ARHGEF17: variants seen among roughly 807,000 people sequenced by gnomAD.
ARHGEF17 encodes 164 kDa Rho-specific guanine-nucleotide exchange factor.
ARHGEF17 carries 80 observed loss-of-function variants against 174.0 expected under a neutral mutation model. That is an observed-to-expected ratio of 0.46 (90% CI 0.38 to 0.55). ARHGEF17 has a LOEUF of 0.55. Among genes scored for constraint, ARHGEF17 ranks in the 20% least tolerant of loss-of-function variants. ARHGEF17 has a pLI of 0.00. For missense variants in ARHGEF17, 2,886 were observed against 2,839.7 expected, an observed-to-expected ratio of 1.02 and a Z score of -0.37; for synonymous variants, 1,311 against 1,189.1, an observed-to-expected ratio of 1.10 and a Z score of -2.11.
chr11:73,355,401 T>C (rs767379750), intron 3 of ARHGEF17, 132 bp from the exon 4 acceptor site: 1 of 663,512 alleles, frequency 1.5e-6, no homozygotes, highest in Non-Finnish European at 2.7e-6. Flanking sequence ...GACATGTGCC[T>C]GATCCCTTAG....
At chr11:73,362,297 C>T (rs918421730) in intron 13 of ARHGEF17, 58 bp downstream of exon 13, 2 of 1,459,720 alleles carry the variant, frequency 1.4e-6, no homozygotes, top group African/African-American at 1.4e-5. Context: ...CAACCCCTGT[C>T]CCAGCACACT....
chr11:73,330,054 CAT>C (rs1446732927), intron 1 of ARHGEF17, among the ~76,000 whole-genome samples: 4 of 152,236 alleles, frequency 2.6e-5, no homozygotes, highest in African/African-American at 9.6e-5. Flanking sequence ...CTCCAAGAGA[CAT>C]ATGGATTCCC....
rs983476053 is a variant in ARHGEF17 at position 73,367,873 on chromosome 11, C to A, written c.*93C>A. On this transcript the variant is annotated 3_prime_UTR_variant, in exon 21 of 21. Transcript: ENST00000263674. ...ACACGCAGACTTTGACCAGGAGTAT[C>A]CAGCCAGGGGCACACATGTGCCTGC... 1 of 1,353,396 alleles carries A rather than the reference C, an allele frequency of 7.4e-7. No individual in the cohort carries two copies. The highest frequency in any genetic ancestry group is 1.0e-6 in the Non-Finnish European group (1 of 988,658). 83.8% of individuals were successfully genotyped at this position (1,353,396 alleles called of 1,614,324 possible). A position where few individuals can be genotyped will look rare whatever the true frequency, so the allele number is the denominator to read the frequency against.
Position 73,355,851 on chromosome 11 carries a change from T to C in ARHGEF17, c.3571-10T>C, listed in dbSNP as rs1408614412. On this transcript the variant is annotated splice_polypyrimidine_tract_variant and intron_variant, in intron 4 of 20. Transcript: ENST00000263674. ...TCATTCCTCACATGATGCCCATCCATGGGTTTCAGCAAAGCATGCGTGAGA... is the reference window on the plus strand; with the variant it reads ...TCATTCCTCACATGATGCCCATCCACGGGTTTCAGCAAAGCATGCGTGAGA... 1.2e-6 allele frequency: 2 copies of C among 1,614,144 alleles called. No homozygotes were observed. Among genetic ancestry groups the C allele is most frequent in the Admixed American group, 1.7e-5 (1 of 60,026 alleles).
rs575705472 is a variant in ARHGEF17 at position 73,360,388 on chromosome 11, G to C, written c.4275G>C (p.Leu1425=). 2 of 1,613,934 alleles carry C rather than the reference G, an allele frequency of 1.2e-6. No individual in the cohort carries two copies. The highest frequency in any genetic ancestry group is 1.7e-5 in the Admixed American group (1 of 60,034). The change falls in exon 11 of 21, where the codon CTG becomes CTC. Residue 1425 remains leucine, a synonymous_variant. Transcript: ENST00000263674. ...GGGACCTGTCGGAGAAGCAGGCGCT[G>C]TGCTACGCGCTTTCCTTCCCGCCAA... The part of the protein sequence containing the change: ...MHRDLSEKQA[L]CYALSFPPTK...
At chr11:73,313,663 C>T (rs1367572302) in intron 1 of ARHGEF17, among the ~76,000 whole-genome samples, 1 of 152,240 alleles carries the variant, frequency 6.6e-6, no homozygotes, top group Non-Finnish European at 1.5e-5. Flanking sequence ...TTTGCCCACT[C>T]CAGGCCTCTC....
intron 1 of ARHGEF17, among the ~76,000 whole-genome samples, chr11:73,328,085 G>A (rs999761295): frequency 3.9e-5 from 6 of 152,122 alleles, no homozygotes; most frequent in South Asian, 2.1e-4. Flanking sequence ...GTGGGAAGCC[G>A]TAAAACAAGT....
In ARHGEF17 at chr11:73,308,277, A is replaced by T. The variant is rs984419594; in HGVS notation, c.-362A>T. 1.4e-5 allele frequency: 3 copies of T among 213,136 alleles called. No individual in the cohort carries two copies. The highest frequency in any genetic ancestry group is 2.8e-5 in the Non-Finnish European group (3 of 108,090). 13.2% of individuals were successfully genotyped at this position (213,136 alleles called of 1,614,324 possible). On this transcript the variant is annotated 5_prime_UTR_variant, in exon 1 of 21. Transcript: ENST00000263674. ...TCTGCCGCAAAGTTTATTTGCAACAAAAGGGTGCCAGGAGCGAGCAGCCAA... is the reference window on the plus strand; with the variant it reads ...TCTGCCGCAAAGTTTATTTGCAACATAAGGGTGCCAGGAGCGAGCAGCCAA...
Position 73,356,748 on chromosome 11 carries a change from G to C in ARHGEF17, c.3880G>C (p.Val1294Leu). The change falls in exon 7 of 21, where the codon GTC becomes CTC. Residue 1294 changes from valine to leucine, a missense_variant. By Grantham distance (32) the Val-to-Leu change is conservative. Coordinates refer to ENST00000263674, the MANE Select transcript of ARHGEF17 (RefSeq NM_014786.4). Reference protein sequence around the residue: ...PLRRFLRQEMVIEVKAIGGKK... With the variant: ...PLRRFLRQEMLIEVKAIGGKK... ...GCGGCGGTTCCTGAGACAGGAGATG[G>C]TCATTGAAGTGGTAAGAAGTGTCCC... 6.2e-7 allele frequency: 1 copy of C among 1,614,156 alleles called. No homozygotes were observed. Among genetic ancestry groups the C allele is most frequent in the Non-Finnish European group, 8.5e-7 (1 of 1,180,034 alleles).
At position 73,309,827 on chromosome 11, in the gene ARHGEF17, G is replaced by A; in HGVS notation, c.1189G>A (p.Glu397Lys). 1 of 1,613,170 alleles carries A rather than the reference G, an allele frequency of 6.2e-7. No individual in the cohort carries two copies. Among genetic ancestry groups the A allele is most frequent in the Admixed American group, 1.7e-5 (1 of 60,020 alleles). The change falls in exon 1 of 21, where the codon GAG (glutamate) becomes AAG (lysine). Residue 397 changes from glutamate to lysine, a missense_variant. Physicochemically the swap from Glu to Lys is moderately conservative, Grantham distance 56. Transcript: ENST00000263674. ...SRGSSRYSST[E>K]TLKDDDLWSS... The stretch of plus-strand genomic sequence containing the variant: ...CGGTAGCAGCCGTTATTCCAGCACG[G>A]AGACCCTCAAGGACGACGACCTATG...
intron 1 of ARHGEF17, among the ~76,000 whole-genome samples, chr11:73,343,769 G>C (rs1406677649): frequency 1.3e-5 from 2 of 152,126 alleles, no homozygotes; most frequent in Non-Finnish European, 2.9e-5. Context: ...AGGCGTCTTG[G>C]GGCTGTTTCC....
At chr11:73,366,143 G>A (rs967383699) in intron 20 of ARHGEF17, among the ~76,000 whole-genome samples, 196 bp downstream of exon 20, 2 of 143,778 alleles carry the variant, frequency 1.4e-5, no homozygotes, top group African/African-American at 2.6e-5. Context: ...GTGTGTGTGC[G>A]CACCTGCATG....
chr11:73,344,273 C>T (rs994448110), intron 1 of ARHGEF17, among the ~76,000 whole-genome samples: 7 of 152,368 alleles, frequency 4.6e-5, no homozygotes, highest in Non-Finnish European at 1.0e-4. Flanking sequence ...CCGCACACTA[C>T]ACCCGTGGTG....
intron 11 of ARHGEF17, 47 bp from the exon 12 acceptor site, chr11:73,361,041 G>A: frequency 2.0e-6 from 3 of 1,518,024 alleles, no homozygotes; most frequent in African/African-American, 1.4e-5. Flanking sequence ...GGGTGAGATG[G>A]ATGCTATGCT....
chr11:73,359,396 A>G (rs1386475524), intron 9 of ARHGEF17, among the ~76,000 whole-genome samples: 1 of 152,248 alleles, frequency 6.6e-6, no homozygotes, highest in Non-Finnish European at 1.5e-5. Flanking sequence ...ATAGAAATCC[A>G]GGGCACCATG....
chr11:73,339,183 T>C (rs1299175308), intron 1 of ARHGEF17, among the ~76,000 whole-genome samples: 1 of 152,216 alleles, frequency 6.6e-6, no homozygotes, highest in Non-Finnish European at 1.5e-5. Flanking sequence ...TGTCTTCCTG[T>C]GTAGACTGTG....
At chr11:73,351,937 C>T (rs1214525847) in intron 2 of ARHGEF17, among the ~76,000 whole-genome samples, 1 of 152,154 alleles carries the variant, frequency 6.6e-6, no homozygotes, top group Admixed American at 6.5e-5. Flanking sequence ...CATTCTGAGA[C>T]TCGTGGTCTT....
intron 2 of ARHGEF17, among the ~76,000 whole-genome samples, chr11:73,348,662 G>T (rs1302213376): frequency 6.6e-6 from 1 of 152,116 alleles, no homozygotes; most frequent in Admixed American, 6.5e-5. Context: ...GGGTGTACAG[G>T]GTTGCAGTTT....
At chr11:73,363,651 T>C in intron 15 of ARHGEF17, 96 bp from the exon 16 acceptor site, 1 of 1,535,944 alleles carries the variant, frequency 6.5e-7, no homozygotes, top group Non-Finnish European at 8.9e-7. Context: ...GCACCCAGCA[T>C]TGAAGACGTG....
Sources: allele counts gnomAD v4.1 joint callset (sites outside exome capture counted in the v4.1 genomes callset), GRCh38; gene constraint gnomAD v4.1.1; transcripts MANE v1.5; gene names NCBI Gene and HGNC (gene_info 2026-07-23, HGNC 2026-07-21).